Variants in DLG2 observed in about 807,000 individuals in gnomAD.
DLG2 encodes the protein discs large MAGUK scaffold protein 2.
In DLG2, 45 loss-of-function variants were observed where a neutral mutation model predicts 132.5. The observed-to-expected ratio is 0.34, with a 90% CI of 0.27 to 0.44. The LOEUF (loss-of-function observed/expected upper bound fraction) is 0.44. Ranked by LOEUF, DLG2 falls within the 20% of genes least tolerant of loss-of-function variation. The probability of loss-of-function intolerance (pLI) is 1.00; values close to 1 mark genes in which losing one functional copy is unlikely to be tolerated. For synonymous variants in DLG2, 424 were observed against 419.6 expected (o/e 1.01, Z -0.13); for missense variants, 1,045 against 1,196.9 (o/e 0.87, Z 1.87).
At chr11:83,847,928 T>C (rs1354623802) in intron 16 of DLG2, among the ~76,000 whole-genome samples, 2 of 152,218 alleles carry the variant, frequency 1.3e-5, no homozygotes, top group Non-Finnish European at 2.9e-5. Flanking sequence ...AAATGTTCTA[T>C]GTATCTGTTT....
At chr11:85,510,322 T>C (rs1451061190) in intron 3 of DLG2, among the ~76,000 whole-genome samples, 2 of 152,056 alleles carry the variant, frequency 1.3e-5, no homozygotes, top group Admixed American at 6.6e-5. Context: ...AAGGACTTCA[T>C]GTACAAAACA....
At chr11:85,488,219 T>C (rs889686664) in intron 3 of DLG2, among the ~76,000 whole-genome samples, 2 of 152,004 alleles carry the variant, frequency 1.3e-5, no homozygotes, top group African/African-American at 4.8e-5. Flanking sequence ...TGAAACCCCA[T>C]CTCTACTAAA....
intron 4 of DLG2, among the ~76,000 whole-genome samples, chr11:85,168,855 T>G (rs2078645057): frequency 6.6e-6 from 1 of 152,122 alleles, no homozygotes; most frequent in African/African-American, 2.4e-5. Flanking sequence ...CTTTAAAAAG[T>G]CTGGCTGACT....
intron 6 of DLG2, among the ~76,000 whole-genome samples, chr11:84,591,223 C>CTGTGTGTGTG (rs781411791): frequency 0.37 from 51,841 of 138,980 alleles, 10,358 homozygotes; most frequent in East Asian, 0.65. Context: ...ATGTGTCTCT[C>CTGTGTGTGTG]TGTGTGTGTG....
At chr11:85,157,118 C>G (rs184976647) in intron 4 of DLG2, among the ~76,000 whole-genome samples, 1 of 152,276 alleles carries the variant, frequency 6.6e-6, no homozygotes, top group African/African-American at 2.4e-5. Context: ...AGCCTCCCAG[C>G]CTACATCCTT....
At chr11:84,084,048 C>G (rs941220922) in intron 10 of DLG2, among the ~76,000 whole-genome samples, 2 of 152,118 alleles carry the variant, frequency 1.3e-5, no homozygotes, top group Admixed American at 1.3e-4. Context: ...ATATGTGAAC[C>G]TTTCTCCACA....
intron 10 of DLG2, among the ~76,000 whole-genome samples, chr11:84,076,005 T>G (rs2096825751): frequency 6.6e-6 from 1 of 152,170 alleles, no homozygotes; most frequent in South Asian, 2.1e-4. Context: ...GCATAAAGGA[T>G]TAAGGGCAAC....
chr11:84,044,192 C>A (rs755850485), intron 11 of DLG2, among the ~76,000 whole-genome samples: 15 of 151,784 alleles, frequency 9.9e-5, no homozygotes, highest in South Asian at 2.1e-4. Flanking sequence ...AATAACAATA[C>A]CTATAGGGTT....
In DLG2 at chr11:83,537,079, ATTGT is replaced by A. The variant is rs535521478; in HGVS notation, c.2118-4300_2118-4297del. On this transcript the variant is annotated intron_variant, in intron 20 of 27. Coordinates refer to ENST00000376104, the MANE Select transcript of DLG2 (RefSeq NM_001142699.3). The stretch of plus-strand genomic sequence containing the variant: ...CACTTAGACTCAAGCAATTAATTAG[ATTGT>A]TTGAGCAGAAATAATCCTCCCTGTC... 1.1e-4 allele frequency among the ~76,000 whole-genome samples: 17 copies of A among 152,284 alleles called. No individual in the cohort carries two copies. In the South Asian group the frequency reaches 3.3e-3, roughly 30 times the overall value.
At chr11:83,973,789 T>C (rs765154264) in intron 12 of DLG2, among the ~76,000 whole-genome samples, 4 of 152,062 alleles carry the variant, frequency 2.6e-5, no homozygotes, top group South Asian at 2.1e-4. Context: ...TGGGTATTCA[T>C]AGTGTTCAAG....
chr11:85,126,260 A>C lies in DLG2; in HGVS notation c.283-14525T>G, dbSNP rs376292293. ...TGTAAAATACAAGGTATAATGAAAG[A>C]AGATAAGACATGAGAGAAATTTAGG... On this transcript the variant is annotated intron_variant, in intron 5 of 27. Transcript: ENST00000376104. Among the ~76,000 whole-genome samples, 4 of 152,208 alleles carry C rather than the reference A, an allele frequency of 2.6e-5. No individual in the cohort carries two copies. The East Asian group carries it at 5.8e-4, about 22-fold the overall frequency.
intron 6 of DLG2, among the ~76,000 whole-genome samples, chr11:84,619,514 T>C (rs1416170424): frequency 6.6e-6 from 1 of 150,640 alleles, no homozygotes; most frequent in Admixed American, 6.6e-5. Flanking sequence ...AAAACAAAAA[T>C]AGTAAGAATA....
intron 6 of DLG2, among the ~76,000 whole-genome samples, chr11:84,770,477 G>A (rs1343432205): frequency 6.6e-6 from 1 of 151,936 alleles, no homozygotes; most frequent in African/African-American, 2.4e-5. Context: ...CCGCCCTCGA[G>A]CAGGTCCCAG....
At position 83,869,421 on chromosome 11, in the gene DLG2, C is replaced by T. The variant is rs373277379; in HGVS notation, c.1565+4999G>A. ...CTTGGAAAGGATACCTGAGCTCAGG[C>T]TCAGAACACCAGAGTCTCCCCAGCC... is the stretch of plus-strand genomic sequence containing the variant. On this transcript the variant is annotated intron_variant, in intron 16 of 27. Transcript: ENST00000376104. 6.0e-4 allele frequency among the ~76,000 whole-genome samples: 91 copies of T among 152,254 alleles called. 1 individual carries two copies. The South Asian group carries it at 0.018, about 31-fold the overall frequency.
intron 2 of DLG2, among the ~76,000 whole-genome samples, chr11:85,599,196 C>A (rs1317933670): frequency 6.6e-6 from 1 of 152,086 alleles, no homozygotes; most frequent in Non-Finnish European, 1.5e-5. Flanking sequence ...ACTATATAGT[C>A]CACACTCTCC....
At chr11:84,456,365 T>C (rs1239066755) in intron 7 of DLG2, among the ~76,000 whole-genome samples, 1 of 151,292 alleles carries the variant, frequency 6.6e-6, no homozygotes, top group Non-Finnish European at 1.5e-5. Flanking sequence ...TCTAGGAGCC[T>C]ATCTCATATA....
At chr11:84,935,966 A>C (rs1016150527) in intron 6 of DLG2, among the ~76,000 whole-genome samples, 1 of 152,214 alleles carries the variant, frequency 6.6e-6, no homozygotes, top group African/African-American at 2.4e-5. Flanking sequence ...AGCCCTTACT[A>C]AAATTTAAAA....
intron 6 of DLG2, among the ~76,000 whole-genome samples, chr11:84,834,979 T>C (rs997855176): frequency 6.6e-6 from 1 of 151,656 alleles, no homozygotes; most frequent in Non-Finnish European, 1.5e-5. Flanking sequence ...ATAATAAGAC[T>C]TCTCATTGAC....
At chr11:85,287,723 C>T (rs949635976) in intron 3 of DLG2, among the ~76,000 whole-genome samples, 5 of 151,980 alleles carry the variant, frequency 3.3e-5, no homozygotes, top group Non-Finnish European at 2.9e-5. Flanking sequence ...CAGTAGCAAA[C>T]ATTAGAAACA....
Sources: gnomAD v4.1 joint callset for allele counts (sites outside exome capture counted in the v4.1 genomes callset) on GRCh38, gnomAD v4.1.1 for gene constraint, MANE v1.5 for transcripts, NCBI Gene and HGNC (gene_info 2026-07-23, HGNC 2026-07-21) for gene names.